RAD51B: variants seen among roughly 807,000 people sequenced by gnomAD.
RAD51B encodes RAD51 paralog B.
In RAD51B, 38 loss-of-function variants were observed where a neutral mutation model predicts 42.2. That is an observed-to-expected ratio of 0.90 (90% confidence interval 0.70 to 1.18). The LOEUF (loss-of-function observed/expected upper bound fraction) is 1.18. RAD51B is among the 50% of genes most tolerant of loss of function. RAD51B has a pLI of 0.00. For missense variants in RAD51B, 373 were observed against 400.7 expected, an observed-to-expected ratio of 0.93 and a Z score of 0.59; for synonymous variants, 154 against 145.2, an observed-to-expected ratio of 1.06 and a Z score of -0.43.
chr14:68,076,726 A>G (rs2076839599), intron 7 of RAD51B, among the ~76,000 whole-genome samples: 1 of 152,220 alleles, frequency 6.6e-6, no homozygotes, highest in African/African-American at 2.4e-5. Flanking sequence ...TTTTACATGT[A>G]TTGAAACAGC....
chr14:67,878,171 T>C (rs2042789294), intron 5 of RAD51B, among the ~76,000 whole-genome samples: 1 of 152,218 alleles, frequency 6.6e-6, no homozygotes, highest in African/African-American at 2.4e-5. Flanking sequence ...TGCCACATTC[T>C]CCTCTAGAAA....
intron 11 of RAD51B, among the ~76,000 whole-genome samples, chr14:68,664,012 T>C (rs1308765957): frequency 6.6e-6 from 1 of 152,250 alleles, no homozygotes; most frequent in East Asian, 1.9e-4. Context: ...GGTATTGCTT[T>C]GGTGCTAGAA....
intron 10 of RAD51B, among the ~76,000 whole-genome samples, chr14:68,521,193 G>A (rs1468499269): frequency 2.6e-5 from 4 of 152,176 alleles, no homozygotes; most frequent in African/African-American, 7.2e-5. Context: ...CACGAAGGAG[G>A]CACTCCCAGA....
chr14:68,354,449 G>C (rs1199673834), intron 8 of RAD51B, among the ~76,000 whole-genome samples: 1 of 152,054 alleles, frequency 6.6e-6, no homozygotes, highest in Non-Finnish European at 1.5e-5. Context: ...CCTTGACCTC[G>C]TGATCTACCC....
intron 10 of RAD51B, among the ~76,000 whole-genome samples, chr14:68,559,621 C>A (rs1889041970): frequency 2.6e-5 from 4 of 152,168 alleles, no homozygotes; most frequent in Admixed American, 2.6e-4. Context: ...CTCATGTGAT[C>A]CACCTGCCTC....
chr14:68,091,302 G>C (rs1269418154), intron 7 of RAD51B, among the ~76,000 whole-genome samples: 2 of 152,174 alleles, frequency 1.3e-5, no homozygotes, highest in Non-Finnish European at 2.9e-5. Flanking sequence ...GGTTGAACTA[G>C]TTTACAGTCC....
exon 11 of RAD51B, chr14:68,595,951 C>CT (rs11305606): frequency 0.038 from 12,927 of 336,090 alleles, 37 homozygotes; most frequent in Middle Eastern, 0.053. Flanking sequence ...TTGGAATTGT[C>CT]TTTTTTTTTT....
chr14:68,072,113 A>AAT (rs1555351041), intron 7 of RAD51B, among the ~76,000 whole-genome samples: 2 of 135,788 alleles, frequency 1.5e-5, no homozygotes, highest in African/African-American at 5.7e-5. Context: ...AAATATAAAA[A>AAT]ATATATAAAA....
chr14:68,132,872 C>A (rs1303406701), intron 7 of RAD51B, among the ~76,000 whole-genome samples: 1 of 152,184 alleles, frequency 6.6e-6, no homozygotes, highest in African/African-American at 2.4e-5. Context: ...TGAGAAAAAC[C>A]TTGGAAAAAT....
intron 8 of RAD51B, among the ~76,000 whole-genome samples, chr14:68,292,434 C>G (rs1595669664): frequency 1.3e-5 from 2 of 152,182 alleles, no homozygotes; most frequent in Admixed American, 1.3e-4. Flanking sequence ...AATCTCCACG[C>G]TGGTAAATCT....
At chr14:68,644,379 C>G (rs1892524423) in intron 10 of RAD51B, among the ~76,000 whole-genome samples, 1 of 152,224 alleles carries the variant, frequency 6.6e-6, no homozygotes, top group Non-Finnish European at 1.5e-5. Context: ...GGCTCTACCT[C>G]TTTCTGCCAC....
chr14:68,380,862 CCTTCAGTTTATAAGACTGATGA>C (rs1188053854), intron 8 of RAD51B, among the ~76,000 whole-genome samples: 1 of 152,176 alleles, frequency 6.6e-6, no homozygotes, highest in Non-Finnish European at 1.5e-5. Flanking sequence ...CATAAGGCAA[CCTTCAGTTTATAAGACTGATGA>C]CTTCAGTCTT....
chr14:68,248,759 A>G (rs1165109523), intron 7 of RAD51B, among the ~76,000 whole-genome samples: 1 of 152,202 alleles, frequency 6.6e-6, no homozygotes, highest in Non-Finnish European at 1.5e-5. Flanking sequence ...TGCTTCCAAG[A>G]TACTGTCTTT....
intron 9 of RAD51B, among the ~76,000 whole-genome samples, chr14:68,413,546 TTTAA>T (rs1372915572): frequency 6.6e-6 from 1 of 152,208 alleles, no homozygotes; most frequent in African/African-American, 2.4e-5. Flanking sequence ...AGAACATACA[TTTAA>T]TTAATCTATA....
At chr14:68,674,463 G>T (rs1893262749) in intron 11 of RAD51B, among the ~76,000 whole-genome samples, 2 of 151,656 alleles carry the variant, frequency 1.3e-5, no homozygotes, top group Admixed American at 6.6e-5. Flanking sequence ...AAATGAGGAG[G>T]TATATAGAAG....
chr14:67,912,553 CTG>C (rs2140117097), intron 7 of RAD51B, among the ~76,000 whole-genome samples: 1 of 152,042 alleles, frequency 6.6e-6, no homozygotes, highest in African/African-American at 2.4e-5. Flanking sequence ...AAAGAGCTCA[CTG>C]TAATAGAATG....
intron 7 of RAD51B, among the ~76,000 whole-genome samples, chr14:68,164,538 G>A (rs963994537): frequency 1.3e-5 from 2 of 152,166 alleles, no homozygotes; most frequent in African/African-American, 2.4e-5. Flanking sequence ...AAAGCTCCGC[G>A]GGCTTTCTGG....
chr14:68,405,270 G>A (rs1441511979), intron 8 of RAD51B, among the ~76,000 whole-genome samples: 1 of 152,094 alleles, frequency 6.6e-6, no homozygotes, highest in African/African-American at 2.4e-5. Flanking sequence ...GTGAGACCCT[G>A]TCTCTACAGA....
At chr14:68,156,214 T>G (rs1438140587) in intron 7 of RAD51B, among the ~76,000 whole-genome samples, 2 of 152,214 alleles carry the variant, frequency 1.3e-5, no homozygotes, top group African/African-American at 2.4e-5. Flanking sequence ...ATCACTTTTT[T>G]TGTGTGTGCA....
Sources: gnomAD v4.1 joint callset for allele counts (sites outside exome capture counted in the v4.1 genomes callset) on GRCh38, gnomAD v4.1.1 for gene constraint, MANE v1.5 for transcripts, NCBI Gene and HGNC (gene_info 2026-07-23, HGNC 2026-07-21) for gene names.